The following HDAC9 variants were observed in gnomAD, a reference collection of about 807,000 sequenced individuals.
The protein encoded by HDAC9 is histone deacetylase 9.
In HDAC9, 41 loss-of-function variants were observed where a neutral mutation model predicts 139.4. The observed-to-expected ratio is 0.29, with a 90% CI of 0.23 to 0.38. The LOEUF (loss-of-function observed/expected upper bound fraction) is 0.38. Ranked by LOEUF, HDAC9 falls within the 10% of genes least tolerant of loss-of-function variation. HDAC9 has a pLI of 1.00. For missense variants in HDAC9, 1,147 were observed against 1,297.0 expected, an observed-to-expected ratio of 0.88 and a Z score of 1.78; for synonymous variants, 517 against 476.2, an observed-to-expected ratio of 1.09 and a Z score of -1.12.
At chr7:18,381,730 T>C (rs184046507) in intron 1 of HDAC9, among the ~76,000 whole-genome samples, 22 of 152,218 alleles carry the variant, frequency 1.4e-4, no homozygotes, top group Non-Finnish European at 2.2e-4. Context: ...TAGAGACAAC[T>C]TTAACAGAGT....
intron 1 of HDAC9, among the ~76,000 whole-genome samples, chr7:18,475,859 G>A (rs1157769747): frequency 1.3e-5 from 2 of 152,140 alleles, no homozygotes; most frequent in African/African-American, 4.8e-5. Context: ...ACATCTCAAT[G>A]CGACTTCAGC....
chr7:18,298,487 A>G (rs1054585117), intron 1 of HDAC9, among the ~76,000 whole-genome samples: 4 of 151,030 alleles, frequency 2.6e-5, no homozygotes, highest in African/African-American at 7.3e-5. Flanking sequence ...TCCTGTGTCC[A>G]TGTGATCTCA....
chr7:18,641,267 T>G (rs1785509196), intron 8 of HDAC9, among the ~76,000 whole-genome samples: 1 of 152,104 alleles, frequency 6.6e-6, no homozygotes, highest in Admixed American at 6.6e-5. Context: ...GGAGAGAAAT[T>G]AAATAAGATT....
intron 22 of HDAC9, among the ~76,000 whole-genome samples, chr7:18,875,117 G>A (rs537005283): frequency 6.6e-6 from 1 of 152,210 alleles, no homozygotes; most frequent in African/African-American, 2.4e-5. Context: ...TGCAAAGTTG[G>A]ACTTTTTGGC....
intron 9 of HDAC9, among the ~76,000 whole-genome samples, chr7:18,647,382 A>G (rs1280330900): frequency 2.2e-4 from 34 of 152,100 alleles, no homozygotes; most frequent in Admixed American, 2.2e-3. Context: ...TCACATACTT[A>G]TTTTTTATGG....
At chr7:18,777,410 T>C (rs2129168778) in intron 16 of HDAC9, among the ~76,000 whole-genome samples, 1 of 152,092 alleles carries the variant, frequency 6.6e-6, no homozygotes, top group South Asian at 2.1e-4. Context: ...CCTCAGTTGC[T>C]CTGGCTGGTC....
intron 1 of HDAC9, among the ~76,000 whole-genome samples, chr7:18,407,442 G>A (rs1244606583): frequency 1.3e-5 from 2 of 152,236 alleles, no homozygotes; most frequent in South Asian, 4.2e-4. Flanking sequence ...AAAGTGGGGT[G>A]ACACGTTTAG....
At chr7:18,384,022 A>C (rs1412814381) in intron 1 of HDAC9, among the ~76,000 whole-genome samples, 1 of 152,210 alleles carries the variant, frequency 6.6e-6, no homozygotes, top group Admixed American at 6.5e-5. Context: ...ATTTGGAAGT[A>C]CACATAGGCC....
At chr7:18,182,126 T>C (rs1789487839) in intron 2 of HDAC9, among the ~76,000 whole-genome samples, 1 of 152,130 alleles carries the variant, frequency 6.6e-6, no homozygotes, top group African/African-American at 2.4e-5. Flanking sequence ...GCACCAATTC[T>C]CTCTCCTTTT....
At chr7:18,925,461 A>G (rs1347072050) in intron 22 of HDAC9, among the ~76,000 whole-genome samples, 2 of 152,112 alleles carry the variant, frequency 1.3e-5, no homozygotes, top group Non-Finnish European at 1.5e-5. Context: ...GCTCATAACT[A>G]TGCCTTCATT....
chr7:18,882,657 A>G (rs1799820102), intron 22 of HDAC9, among the ~76,000 whole-genome samples: 1 of 151,992 alleles, frequency 6.6e-6, no homozygotes, highest in African/African-American at 2.4e-5. Context: ...AAAAAAAAAA[A>G]AGTGGGTGGG....
At chr7:18,547,997 A>G (rs1815737270) in intron 2 of HDAC9, among the ~76,000 whole-genome samples, 1 of 151,658 alleles carries the variant, frequency 6.6e-6, no homozygotes, top group Non-Finnish European at 1.5e-5. Context: ...TTGGCTGTCA[A>G]CATGCCTTCC....
intron 1 of HDAC9, among the ~76,000 whole-genome samples, chr7:18,292,162 G>T (rs532396645): frequency 6.6e-6 from 1 of 152,046 alleles, no homozygotes; most frequent in Middle Eastern, 3.4e-3. Flanking sequence ...AATGCACCTG[G>T]CACTGTGCTA....
intron 2 of HDAC9, among the ~76,000 whole-genome samples, chr7:18,278,866 C>A (rs1040070973): frequency 6.6e-6 from 1 of 152,202 alleles, no homozygotes; most frequent in African/African-American, 2.4e-5. Context: ...AAAATAATTT[C>A]TTTTCTATTG....
chr7:18,790,413 G>C (rs1371163719), intron 16 of HDAC9, among the ~76,000 whole-genome samples: 2 of 50,224 alleles, frequency 4.0e-5, no homozygotes, highest in Non-Finnish European at 1.0e-4. Flanking sequence ...AAGGGCATGT[G>C]AGGATGTAGC....
At chr7:18,774,875 G>T (rs1790623670) in intron 16 of HDAC9, among the ~76,000 whole-genome samples, 1 of 152,008 alleles carries the variant, frequency 6.6e-6, no homozygotes, top group Non-Finnish European at 1.5e-5. Context: ...CTAGTTTTCG[G>T]CCTGTCTCAG....
chr7:18,887,175 A>T (rs1055683840), intron 22 of HDAC9, among the ~76,000 whole-genome samples: 6 of 152,166 alleles, frequency 3.9e-5, no homozygotes, highest in South Asian at 2.1e-4. Flanking sequence ...GTCACTATGG[A>T]CTACTACAGA....
At chr7:18,598,858 A>G (rs879672869) in intron 6 of HDAC9, among the ~76,000 whole-genome samples, 11 of 152,214 alleles carry the variant, frequency 7.2e-5, no homozygotes, top group African/African-American at 2.4e-4. Context: ...TTAATTTTGC[A>G]TATTCTCTGG....
intron 24 of HDAC9, among the ~76,000 whole-genome samples, chr7:18,975,285 A>C (rs1288017669): frequency 2.6e-5 from 4 of 152,264 alleles, no homozygotes; most frequent in African/African-American, 9.6e-5. Context: ...AAGAAAGAAC[A>C]TCCAGGACTA....
Sources: gnomAD v4.1 joint callset for allele counts (sites outside exome capture counted in the v4.1 genomes callset) on GRCh38, gnomAD v4.1.1 for gene constraint, MANE v1.5 for transcripts, NCBI Gene and HGNC (gene_info 2026-07-23, HGNC 2026-07-21) for gene names.